The following RIC8B variants were observed in gnomAD, a reference collection of about 807,000 sequenced individuals.
RIC8B encodes the protein RIC8 guanine nucleotide exchange factor B, also known as chaperone Ric-8B.
Under a neutral mutation model 57.5 loss-of-function variants are expected in RIC8B, and 16 were observed. The observed-to-expected ratio is 0.28, with a 90% CI of 0.19 to 0.42. RIC8B has a LOEUF of 0.42. Ranked by LOEUF, RIC8B falls within the 10% of genes least tolerant of loss-of-function variation. The pLI is 1.00. For missense variants in RIC8B, 481 were observed against 677.0 expected, an observed-to-expected ratio of 0.71 and a Z score of 3.21; for synonymous variants, 216 against 250.8, an observed-to-expected ratio of 0.86 and a Z score of 1.31.
At chr12:106,825,927 A>G (rs1369797742) in intron 4 of RIC8B, 107 bp downstream of exon 4, 6 of 724,070 alleles carry the variant, frequency 8.3e-6, no homozygotes, top group Admixed American at 6.4e-5. Context: ...AAAATACTAC[A>G]GTAAATCAGG....
chr12:106,871,349 T>G (rs1950394013), intron 9 of RIC8B: 1 of 152,538 alleles, frequency 6.6e-6, no homozygotes. Context: ...CAATTACGCC[T>G]TTTTGGGTTG....
intron 3 of RIC8B, chr12:106,823,495 A>G (rs2045948434): frequency 4.4e-6 from 2 of 455,090 alleles, no homozygotes; most frequent in African/African-American, 2.0e-5. Flanking sequence ...GGAAAGACCA[A>G]ATGGATAGAT....
intron 7 of RIC8B, among the ~76,000 whole-genome samples, chr12:106,855,539 A>G (rs552407480): frequency 6.6e-6 from 1 of 152,334 alleles, no homozygotes; most frequent in African/African-American, 2.4e-5. Flanking sequence ...CTGATTTTCA[A>G]AAGCAATGGG....
At chr12:106,796,105 A>G (rs1311578606) in intron 2 of RIC8B, among the ~76,000 whole-genome samples, 1 of 152,244 alleles carries the variant, frequency 6.6e-6, no homozygotes, top group Non-Finnish European at 1.5e-5. Flanking sequence ...TCAACGCAAT[A>G]CCTTTTAGAA....
intron 2 of RIC8B, among the ~76,000 whole-genome samples, chr12:106,788,960 G>T (rs757055244): frequency 2.6e-5 from 4 of 152,148 alleles, no homozygotes; most frequent in Admixed American, 6.5e-5. Context: ...GCATTGTCAA[G>T]CTGCAAAGTT....
At chr12:106,830,568 T>C (rs1039684694) in intron 4 of RIC8B, among the ~76,000 whole-genome samples, 42 of 152,180 alleles carry the variant, frequency 2.8e-4, no homozygotes, top group African/African-American at 9.7e-4. Context: ...GGGGTTTGGA[T>C]TGGTTTTGTT....
chr12:106,843,536 C>T (rs1463604798), intron 5 of RIC8B, among the ~76,000 whole-genome samples: 2 of 151,734 alleles, frequency 1.3e-5, no homozygotes, highest in Non-Finnish European at 2.9e-5. Flanking sequence ...TCCTGGCTAA[C>T]ATGGTGAAAC....
At chr12:106,830,594 T>G (rs2046312747) in intron 4 of RIC8B, among the ~76,000 whole-genome samples, 1 of 152,258 alleles carries the variant, frequency 6.6e-6, no homozygotes, top group Middle Eastern at 3.2e-3. Context: ...CATAAAGCTC[T>G]TAGCTCTTTA....
intron 6 of RIC8B, among the ~76,000 whole-genome samples, chr12:106,846,391 T>A (rs1949187581): frequency 6.6e-6 from 1 of 152,160 alleles, no homozygotes; most frequent in South Asian, 2.1e-4. Flanking sequence ...GTATTTATGG[T>A]CAAGATTTAG....
intron 2 of RIC8B, among the ~76,000 whole-genome samples, chr12:106,809,693 A>T (rs2045243579): frequency 6.6e-6 from 1 of 152,098 alleles, no homozygotes; most frequent in Non-Finnish European, 1.5e-5. Flanking sequence ...GAAACAAAAA[A>T]AAAATTTATG....
chr12:106,849,324 TCTA>T (rs1184009559), intron 6 of RIC8B, among the ~76,000 whole-genome samples: 3 of 149,498 alleles, frequency 2.0e-5, no homozygotes, highest in East Asian at 1.9e-4. Flanking sequence ...TATTTATTTA[TCTA>T]TTTTTTGTAG....
chr12:106,793,911 C>T (rs992192435), intron 2 of RIC8B, among the ~76,000 whole-genome samples: 1 of 127,356 alleles, frequency 7.9e-6, no homozygotes, highest in African/African-American at 3.0e-5. Context: ...TACAAGATGT[C>T]CAGTTTCCAT....
rs148951287 is a variant in RIC8B at position 106,881,580 on chromosome 12, G to A, written c.1572-4324G>A. Among the ~76,000 whole-genome samples the A allele has an allele frequency of 1.1e-4, 16 of 152,084 alleles. No homozygotes were observed. In the East Asian group the frequency reaches 2.9e-3, roughly 28 times the overall value. On this transcript the variant is annotated intron_variant, in intron 9 of 9. Transcript: ENST00000392837. Reference sequence around the variant, plus strand: ...CCCTCTCACATGTGCATAGCCATACGACTGGTGAAGGAATATTTCTGTGGT... The same window carrying A: ...CCCTCTCACATGTGCATAGCCATACAACTGGTGAAGGAATATTTCTGTGGT...
intron 1 of RIC8B, among the ~76,000 whole-genome samples, chr12:106,776,423 G>A (rs1405458081): frequency 6.6e-6 from 1 of 152,186 alleles, no homozygotes; most frequent in Non-Finnish European, 1.5e-5. Context: ...AGAGAACTTG[G>A]CCATTTGTTG....
chr12:106,855,849 G>C (rs865951963), intron 7 of RIC8B, among the ~76,000 whole-genome samples: 1 of 152,036 alleles, frequency 6.6e-6, no homozygotes, highest in South Asian at 2.1e-4. Flanking sequence ...TTCTGAACCC[G>C]GTCATATTTA....
At chr12:106,825,950 C>T in intron 4 of RIC8B, 130 bp downstream of exon 4, 1 of 623,286 alleles carries the variant, frequency 1.6e-6, no homozygotes, top group East Asian at 2.9e-5. Context: ...ACTGGTAGGT[C>T]AGAAATCATT....
chr12:106,830,242 G>A (rs925994028), intron 4 of RIC8B, among the ~76,000 whole-genome samples: 14 of 152,180 alleles, frequency 9.2e-5, no homozygotes, highest in African/African-American at 2.2e-4. Flanking sequence ...TAAGGATTGC[G>A]TTGAACCTAT....
intron 5 of RIC8B, 35 bp from the exon 6 acceptor site, chr12:106,843,817 C>T (rs776223515): frequency 4.2e-5 from 62 of 1,459,994 alleles, no homozygotes; most frequent in Non-Finnish European, 5.3e-5. Flanking sequence ...ACAAAACTAA[C>T]GTATTTCAAA....
chr12:106,877,495 G>A (rs1380604094), intron 9 of RIC8B, among the ~76,000 whole-genome samples: 1 of 152,110 alleles, frequency 6.6e-6, no homozygotes, highest in Non-Finnish European at 1.5e-5. Flanking sequence ...CCACAGTTGA[G>A]CTCTTCGTAG....
Sources: allele counts gnomAD v4.1 joint callset (sites outside exome capture counted in the v4.1 genomes callset), GRCh38; gene constraint gnomAD v4.1.1; transcripts MANE v1.5; gene names NCBI Gene and HGNC (gene_info 2026-07-23, HGNC 2026-07-21).